Variants in SMARCD3 observed in about 807,000 individuals in gnomAD.
SMARCD3 encodes the protein SWI/SNF related BAF chromatin remodeling complex subunit D3.
Under a neutral mutation model 58.0 loss-of-function variants are expected in SMARCD3, and 14 were observed. The observed-to-expected ratio is 0.24, with a 90% confidence interval of 0.16 to 0.38. The LOEUF (loss-of-function observed/expected upper bound fraction) is 0.38, where lower values mean the gene tolerates loss of function less well. SMARCD3 is among the 10% of genes least tolerant of loss of function. The pLI, the probability that SMARCD3 is intolerant of heterozygous loss-of-function variation, is 1.00. For missense variants in SMARCD3, 408 were observed against 636.9 expected (o/e 0.64, Z 3.87); for synonymous variants, 253 against 253.8 (o/e 1.00, Z 0.03).
upstream of SMARCD3, among the ~76,000 whole-genome samples, chr7:151,253,545 C>T (rs573000195): frequency 1.3e-5 from 2 of 152,320 alleles, no homozygotes; most frequent in South Asian, 2.1e-4. Context: ...GACACCCCTC[C>T]CACCACACAC....
At chr7:151,268,333 TGCCCCTTTTCAGAGGGGCGAGAG>T (rs1795060336) in intron 2 of SMARCD3, among the ~76,000 whole-genome samples, 1 of 152,246 alleles carries the variant, frequency 6.6e-6, no homozygotes, top group Non-Finnish European at 1.5e-5. Flanking sequence ...GAGGAGGGGC[TGCCCCTTTTCAGAGGGGCGAGAG>T]CCCTCCGATT....
Position 151,241,531 on chromosome 7 carries a change from A to G in SMARCD3, c.900T>C (p.His300=), listed in dbSNP as rs561883681. 31 of 1,612,184 alleles carry G rather than the reference A, an allele frequency of 1.9e-5. No individual in the cohort carries two copies. Among genetic ancestry groups the G allele is most frequent in the Middle Eastern group, 1.6e-4 (1 of 6,084 alleles). ...TGTCCCCATTGATGTATTCCTTGTC[A>G]TGGGAGTCCTGCAGCCTGTTGGTCT... The part of the protein sequence containing the change: ...YVKTNRLQDS[H]DKEYINGDKY... The change falls in exon 8 of 13, where the codon CAT becomes CAC. Residue 300 remains histidine (H), a synonymous_variant. Transcript: ENST00000262188. The surrounding 1 kb of genome is among the most constrained non-coding windows in gnomAD (Gnocchi z 5.3).
chr7:151,240,652 A>T (rs1802936629), intron 8 of SMARCD3, 130 bp from the exon 9 acceptor site: 661 of 470,282 alleles, frequency 1.4e-3, no homozygotes, highest in East Asian at 3.5e-3. Flanking sequence ...GCGCATGGGG[A>T]TGGGATTGGG....
At position 151,241,279 on chromosome 7, in the gene SMARCD3, G is replaced by T; in HGVS notation, c.939+213C>A. 1 of 610,680 alleles carries T rather than the reference G, an allele frequency of 1.6e-6. No individual in the cohort carries two copies. The highest frequency in any genetic ancestry group is 1.8e-5 in the African/African-American group (1 of 55,050). The allele number at this position is 610,680 out of a possible 1,614,324, so 37.8% of individuals were successfully genotyped here. On this transcript the variant is annotated intron_variant, in intron 8 of 12. Coordinates refer to ENST00000262188, the MANE Select transcript of SMARCD3 (RefSeq NM_001003801.2). The surrounding 1 kb of genome is among the most constrained non-coding windows in gnomAD (Gnocchi z 5.3). ...TTCCAGGTCTTCCTAACTTGGGGGG[G>T]CTAACATGGATTGGCTGCAGCACAG...
chr7:151,272,656 A>G (rs1247049367), intron 2 of SMARCD3, among the ~76,000 whole-genome samples: 3 of 152,172 alleles, frequency 2.0e-5, no homozygotes, highest in Non-Finnish European at 2.9e-5. Flanking sequence ...CACAGCTTGG[A>G]AAGTCAAGAA....
chr7:151,244,991 C>T (rs536315281), intron 2 of SMARCD3, among the ~76,000 whole-genome samples: 2 of 152,330 alleles, frequency 1.3e-5, no homozygotes, highest in African/African-American at 4.8e-5. Flanking sequence ...CCAAGCTCCA[C>T]CCCCATGGTC....
Position 151,242,732 on chromosome 7 carries a change from T to G in SMARCD3, c.445A>C (p.Arg149=). 6.2e-7 allele frequency: 1 copy of G among 1,614,082 alleles called. No individual in the cohort carries two copies. Among genetic ancestry groups the G allele is most frequent in the Non-Finnish European group, 8.5e-7 (1 of 1,180,006 alleles). Residue 149 remains arginine, a synonymous_variant, in exon 4 of 13, where the codon AGG becomes CGG. Transcript: ENST00000262188. The surrounding 1 kb of genome is among the most constrained non-coding windows in gnomAD (Gnocchi z 4.7). The part of the protein sequence containing the change: ...KRVDIQEALK[R]PMKQKRKLRL... ...CCGAACTAAGGCACCTTCATGGGCC[T>G]CTTCAGAGCCTCCTGGATGTCCACC... is the stretch of plus-strand genomic sequence containing the variant.
At chr7:151,270,118 G>A (rs1447377241) in intron 2 of SMARCD3, among the ~76,000 whole-genome samples, 1 of 152,150 alleles carries the variant, frequency 6.6e-6, no homozygotes, top group Admixed American at 6.5e-5. Context: ...GGAGAAAGGG[G>A]TTTCTCCCTG....
intron 10 of SMARCD3, 40 bp downstream of exon 10, chr7:151,240,072 T>C (rs1323931029): frequency 5.6e-6 from 9 of 1,610,388 alleles, no homozygotes; most frequent in Non-Finnish European, 7.6e-6. Flanking sequence ...CTATCATCTC[T>C]GGGTTAATGT....
chr7:151,240,855 A>G (rs1409132621), intron 8 of SMARCD3: 1 of 328,952 alleles, frequency 3.0e-6, no homozygotes, highest in Non-Finnish European at 5.6e-6. Context: ...AGTGGGGATG[A>G]AAAGAATACC....
intron 2 of SMARCD3, among the ~76,000 whole-genome samples, chr7:151,267,640 T>C (rs765944063): frequency 3.9e-5 from 6 of 152,212 alleles, no homozygotes; most frequent in Non-Finnish European, 7.3e-5. Context: ...TTGAAAAGAC[T>C]CTGCATTTTG....
chr7:151,269,754 GA>G (rs2150616181), intron 2 of SMARCD3, among the ~76,000 whole-genome samples: 3 of 152,312 alleles, frequency 2.0e-5, no homozygotes, highest in African/African-American at 7.2e-5. Context: ...CATCCCATGT[GA>G]ACACTTGCAG....
At chr7:151,255,730 C>A (rs1803677476) in intron 2 of SMARCD3, among the ~76,000 whole-genome samples, 1 of 152,114 alleles carries the variant, frequency 6.6e-6, no homozygotes, top group Non-Finnish European at 1.5e-5. Context: ...AGCTCCCTGA[C>A]CTCCAAATCC....
rs935210684 is a variant in SMARCD3 at position 151,248,057 on chromosome 7, C to A, written c.78+428G>T. Reference sequence around the variant, plus strand: ...TCACCTGCTCCTTGCTCCGGAGACACAAGCAGTGACACTGTCCCAACGGAT... The same window carrying A: ...TCACCTGCTCCTTGCTCCGGAGACAAAAGCAGTGACACTGTCCCAACGGAT... On this transcript the variant is annotated intron_variant, in intron 1 of 12. Coordinates refer to ENST00000262188, the MANE Select transcript of SMARCD3 (RefSeq NM_001003801.2). This position sits in a 1 kb window ranked among gnomAD's most constrained non-coding sequence, Gnocchi z 6.1. Among the ~76,000 whole-genome samples, 4 of 152,284 alleles carry A rather than the reference C, an allele frequency of 2.6e-5. No individual in the cohort carries two copies. Among genetic ancestry groups the A allele is most frequent in the African/African-American group, 4.8e-5 (2 of 41,556 alleles).
chr7:151,245,618 G>C lies in SMARCD3; in HGVS notation c.132C>G (p.Gly44=). 1 of 1,180,720 alleles carries C rather than the reference G, an allele frequency of 8.5e-7. No individual in the cohort carries two copies. The highest frequency in any genetic ancestry group is 1.1e-6 in the Non-Finnish European group (1 of 941,954). The allele number at this position is 1,180,720 out of a possible 1,614,324, so 73.1% of individuals were successfully genotyped here. The change falls in exon 2 of 13, where the codon GGC becomes GGG. Residue 44 remains glycine, a synonymous_variant. Transcript: ENST00000262188. This position sits in a 1 kb window ranked among gnomAD's most constrained non-coding sequence, Gnocchi z 6.2. ...ARMPHQGAPM[G]PPGSPYMGSP... Reference sequence around the variant, plus strand: ...TGCCCATGTACGGGGAGCCCGGGGGGCCCATGGGCGCCCCCTGGTGGGGCA... The same window carrying C: ...TGCCCATGTACGGGGAGCCCGGGGGCCCCATGGGCGCCCCCTGGTGGGGCA...
At chr7:151,275,423 C>T (rs1445965922) in intron 1 of SMARCD3, among the ~76,000 whole-genome samples, 1 of 152,124 alleles carries the variant, frequency 6.6e-6, no homozygotes, top group South Asian at 2.1e-4. Flanking sequence ...TGGGGTGGCA[C>T]AAGGCAGGGC....
At chr7:151,273,694 G>T (rs988537869) in intron 2 of SMARCD3, among the ~76,000 whole-genome samples, 12 of 152,248 alleles carry the variant, frequency 7.9e-5, no homozygotes, top group African/African-American at 2.9e-4. Context: ...CTTTCCTGCA[G>T]GTGGACTGGG....
chr7:151,271,284 G>A (rs550811301), intron 2 of SMARCD3, among the ~76,000 whole-genome samples: 12 of 152,304 alleles, frequency 7.9e-5, no homozygotes, highest in Admixed American at 3.9e-4. Context: ...TCTTCTAGAC[G>A]AGTCTGTTTT....
intron 2 of SMARCD3, among the ~76,000 whole-genome samples, chr7:151,254,801 G>A (rs934027129): frequency 6.6e-6 from 1 of 152,172 alleles, no homozygotes; most frequent in African/African-American, 2.4e-5. Flanking sequence ...AGGCAGGAAC[G>A]GGCCTCAGCT....
Sources: allele counts gnomAD v4.1 joint callset (sites outside exome capture counted in the v4.1 genomes callset), GRCh38; gene constraint gnomAD v4.1.1; non-coding constraint Gnocchi (gnomAD v3.1); transcripts MANE v1.5; gene names NCBI Gene and HGNC (gene_info 2026-07-23, HGNC 2026-07-21).